The following TNR variants were observed in gnomAD, a reference collection of about 807,000 sequenced individuals.
TNR encodes the protein tenascin R, also known as tenascin-R.
In TNR, 45 loss-of-function variants were observed where a neutral mutation model predicts 150.4. The ratio of observed to expected loss-of-function variants is 0.30; its 90% CI spans 0.24 to 0.38. TNR has a LOEUF of 0.38. TNR is among the 10% of genes least tolerant of loss of function. The probability of loss-of-function intolerance (pLI) is 1.00; values close to 1 mark genes in which losing one functional copy is unlikely to be tolerated. For synonymous variants in TNR, 687 were observed against 678.4 expected (o/e 1.01, Z -0.20); for missense variants, 1,544 against 1,759.1 (o/e 0.88, Z 2.19).
chr1:175,626,664 T>C (rs1664166948), intron 1 of TNR, among the ~76,000 whole-genome samples: 1 of 152,216 alleles, frequency 6.6e-6, no homozygotes, highest in Admixed American at 6.5e-5. Context: ...TATACATATG[T>C]CTTATTTATA....
At chr1:175,620,750 C>T (rs1207408255) in intron 1 of TNR, among the ~76,000 whole-genome samples, 1 of 152,084 alleles carries the variant, frequency 6.6e-6, no homozygotes, top group Non-Finnish European at 1.5e-5. Flanking sequence ...GCAACAGTCA[C>T]AGCTGAAGAG....
At chr1:175,333,526 G>A (rs1261046992) in intron 20 of TNR, 1 of 152,076 alleles carries the variant, frequency 6.6e-6, no homozygotes, top group Non-Finnish European at 1.5e-5. Flanking sequence ...CATTTTTATT[G>A]TCTATATCAG....
At chr1:175,385,989 C>A (rs1318892089) in intron 8 of TNR, 43 bp downstream of exon 8, 15 of 1,526,514 alleles carry the variant, frequency 9.8e-6, no homozygotes, top group Non-Finnish European at 2.6e-6. Flanking sequence ...TGGCTCCACC[C>A]CTCTTTCCCT....
chr1:175,400,388 C>G (rs918524417), intron 4 of TNR, among the ~76,000 whole-genome samples: 2 of 152,178 alleles, frequency 1.3e-5, no homozygotes, highest in African/African-American at 2.4e-5. Context: ...CTGACTGCTG[C>G]TTTTTAAATC....
intron 5 of TNR, 25 bp from the exon 6 acceptor site, chr1:175,393,920 A>G: frequency 1.3e-6 from 2 of 1,558,390 alleles, no homozygotes; most frequent in East Asian, 2.2e-5. Flanking sequence ...TGTAGGTGAC[A>G]ATGTCATGGC....
In TNR at chr1:175,686,069, A is replaced by G. The variant is rs150663736; in HGVS notation, c.-165+57157T>C. ...CACGCACACACGCACACACACACAC[A>G]CAGAGTGTTTTTCAATAAGAAGGAA... On this transcript the variant is annotated intron_variant, in intron 1 of 22. Coordinates refer to ENST00000367674, the MANE Select transcript of TNR (RefSeq NM_003285.3). 4.2e-4 allele frequency among the ~76,000 whole-genome samples: 64 copies of G among 152,192 alleles called. No homozygotes were observed. In the East Asian group the frequency reaches 8.9e-3, roughly 21 times the overall value.
At chr1:175,402,104 G>C (rs934593395) in intron 4 of TNR, among the ~76,000 whole-genome samples, 2 of 151,478 alleles carry the variant, frequency 1.3e-5, no homozygotes, top group Non-Finnish European at 2.9e-5. Flanking sequence ...TCAGGAGATC[G>C]AGACCATCCT....
chr1:175,389,729 A>G (rs1382450775), intron 7 of TNR, among the ~76,000 whole-genome samples: 1 of 152,160 alleles, frequency 6.6e-6, no homozygotes, highest in African/African-American at 2.4e-5. Context: ...TGATGCTTAT[A>G]TGATGGGTGA....
intron 2 of TNR, among the ~76,000 whole-genome samples, chr1:175,517,182 A>G (rs191457028): frequency 3.3e-5 from 5 of 152,142 alleles, no homozygotes; most frequent in Admixed American, 6.5e-5. Flanking sequence ...CCTCCCCCCA[A>G]CATTTCCTCC....
Position 175,316,940 on chromosome 1 carries a change from T to A in TNR, c.*6417A>T, listed in dbSNP as rs1648863826. The stretch of plus-strand genomic sequence containing the variant: ...GTAAGAATATTAGTAAAATCCAAGA[T>A]GGTGGTCACTCAGCTAAATAAATAT... On this transcript the variant is annotated 3_prime_UTR_variant, in exon 23 of 23. Transcript: ENST00000367674. 1 of 152,268 alleles carries A rather than the reference T, an allele frequency of 6.6e-6. No homozygotes were observed. The highest frequency in any genetic ancestry group is 1.5e-5 in the Non-Finnish European group (1 of 68,016). 9.4% of individuals were successfully genotyped at this position (152,268 alleles called of 1,614,324 possible).
At chr1:175,560,960 C>A (rs937618257) in intron 1 of TNR, among the ~76,000 whole-genome samples, 1 of 152,140 alleles carries the variant, frequency 6.6e-6, no homozygotes, top group Non-Finnish European at 1.5e-5. Flanking sequence ...GGTAAAGAAA[C>A]AAAATACTTG....
intron 1 of TNR, among the ~76,000 whole-genome samples, chr1:175,530,090 C>T (rs1385407479): frequency 1.3e-5 from 2 of 152,148 alleles, no homozygotes; most frequent in African/African-American, 4.8e-5. Context: ...AAAATGTATG[C>T]AGAAGACGCT....
intron 1 of TNR, among the ~76,000 whole-genome samples, chr1:175,678,481 C>T (rs1665932613): frequency 6.6e-6 from 1 of 152,226 alleles, no homozygotes; most frequent in Non-Finnish European, 1.5e-5. Flanking sequence ...GCCTTCTCGT[C>T]ACCCCTCATT....
At chr1:175,526,247 T>C (rs1337100639) in intron 2 of TNR, among the ~76,000 whole-genome samples, 3 of 152,194 alleles carry the variant, frequency 2.0e-5, no homozygotes, top group Admixed American at 6.5e-5. Flanking sequence ...ACAGCATTAA[T>C]ATCAAAGTAA....
At chr1:175,707,240 T>C (rs529353168) in intron 1 of TNR, among the ~76,000 whole-genome samples, 2 of 152,352 alleles carry the variant, frequency 1.3e-5, no homozygotes, top group South Asian at 4.1e-4. Context: ...CATTTTGCCA[T>C]TTTTCTAGTC....
Position 175,365,225 on chromosome 1 carries a change from T to A in TNR, c.2372A>T (p.Asn791Ile), listed in dbSNP as rs768356491. The A allele has an allele frequency of 6.2e-7, 1 of 1,614,032 alleles. No homozygotes were observed. Among genetic ancestry groups the A allele is most frequent in the Admixed American group, 1.7e-5 (1 of 60,006 alleles). ...HFSHVTSSSV[N>I]ITWSDPSPPA... ...GGGAGATGGATCACTCCAAGTGATG[T>A]TCACACTGGAGGAGGTCACATGAGA... The change falls in exon 12 of 23, where the codon AAC becomes ATC. Residue 791 changes from asparagine (N) to isoleucine (I), a missense_variant. Physicochemically the swap from Asn to Ile is moderately radical, Grantham distance 149. This residue lies in a region of TNR where 1,254 missense variants were observed against 1,329.4 expected (regional missense o/e 0.94). Coordinates refer to ENST00000367674, the MANE Select transcript of TNR (RefSeq NM_003285.3).
intron 15 of TNR, among the ~76,000 whole-genome samples, chr1:175,357,887 G>A (rs948202040): frequency 6.6e-6 from 1 of 152,198 alleles, no homozygotes; most frequent in Non-Finnish European, 1.5e-5. Flanking sequence ...TGTGGCACAT[G>A]GTAGGGCATC....
intron 2 of TNR, among the ~76,000 whole-genome samples, chr1:175,417,773 G>A (rs1654566423): frequency 6.6e-6 from 1 of 152,074 alleles, no homozygotes; most frequent in South Asian, 2.1e-4. Flanking sequence ...TCAAATGACA[G>A]ATTCAAATAT....
At chr1:175,345,419 A>C (rs534686331) in intron 18 of TNR, among the ~76,000 whole-genome samples, 11 of 152,364 alleles carry the variant, frequency 7.2e-5, no homozygotes, top group African/African-American at 2.6e-4. Flanking sequence ...CATCTGGTAC[A>C]GAATTATTAG....
Sources: gnomAD v4.1 joint callset for allele counts (sites outside exome capture counted in the v4.1 genomes callset) on GRCh38, gnomAD v4.1.1 for gene constraint, gnomAD v4.1.1 regional missense constraint, MANE v1.5 for transcripts, NCBI Gene and HGNC (gene_info 2026-07-23, HGNC 2026-07-21) for gene names.